The following NSG2 variants were observed in gnomAD, a reference collection of about 807,000 sequenced individuals.
NSG2 encodes neuronal vesicle trafficking-associated protein 2.
Under a neutral mutation model 16.9 loss-of-function variants are expected in NSG2, and 4 were observed. That is an observed-to-expected ratio of 0.24 (90% CI 0.12 to 0.54). The LOEUF is 0.54. Among genes scored for constraint, NSG2 ranks in the 20% least tolerant of loss-of-function variants. The pLI is 0.95. For missense variants in NSG2, 179 were observed against 221.1 expected (o/e 0.81, Z 1.21); for synonymous variants, 98 against 88.7 (o/e 1.11, Z -0.59).
At chr5:174,089,590 G>A (rs892673794) in intron 3 of NSG2, among the ~76,000 whole-genome samples, 3 of 152,084 alleles carry the variant, frequency 2.0e-5, no homozygotes, top group Non-Finnish European at 2.9e-5. Context: ...CCTGACCCAC[G>A]AGGAAAGAAG....
chr5:174,045,871 C>T (rs904023794), intron 1 of NSG2, 28 bp downstream of exon 1: 4 of 152,364 alleles, frequency 2.6e-5, no homozygotes, highest in African/African-American at 7.2e-5. Flanking sequence ...TTTGCTATAA[C>T]CACTCCCCAA....
intron 2 of NSG2, among the ~76,000 whole-genome samples, chr5:174,053,879 A>G (rs1289536174): frequency 6.6e-6 from 1 of 152,162 alleles, no homozygotes; most frequent in African/African-American, 2.4e-5. Flanking sequence ...TGTTTTTCAG[A>G]GGGTATTTTG....
intron 3 of NSG2, among the ~76,000 whole-genome samples, chr5:174,070,695 C>T (rs2113443193): frequency 6.6e-6 from 1 of 152,340 alleles, no homozygotes; most frequent in South Asian, 2.1e-4. Flanking sequence ...CTGGAGTCAG[C>T]AACTCTGGGA....
chr5:174,049,494 T>A (rs1420158345), intron 2 of NSG2, among the ~76,000 whole-genome samples: 1 of 152,248 alleles, frequency 6.6e-6, no homozygotes, highest in Non-Finnish European at 1.5e-5. Context: ...ATTTTCTTTC[T>A]TCTTCTCAGG....
chr5:174,079,233 GTCTTTCTCTC>G (rs1760403297), intron 3 of NSG2, among the ~76,000 whole-genome samples: 1 of 150,568 alleles, frequency 6.6e-6, no homozygotes. Flanking sequence ...AAGTCTGCAT[GTCTTTCTCTC>G]TCTTTCTCTC....
In NSG2 at chr5:174,107,330, C is replaced by T. The variant is rs1760998027; in HGVS notation, c.341C>T (p.Pro114Leu). The change falls in exon 5 of 5, where the codon CCA becomes CTA. Residue 114 changes from proline to leucine, a missense_variant. Pro to Leu is a moderately conservative substitution (Grantham distance 98, BLOSUM62 -3). Transcript: ENST00000303177. The surrounding 1 kb of genome is among the most constrained non-coding windows in gnomAD (Gnocchi z 4.5). ...CTTCCCCAGCACAAACGCTGTATCC[C>T]AGCCTCCCTGGATGCTTACTACTCC... ...GFVYKHKRCI[P>L]ASLDAYYSSQ... The T allele has an allele frequency of 3.8e-6, 6 of 1,573,816 alleles. No homozygotes were observed. Among genetic ancestry groups the T allele is most frequent in the Non-Finnish European group, 5.2e-6 (6 of 1,154,168 alleles).
chr5:174,104,253 T>C lies in NSG2; in HGVS notation c.239T>C (p.Leu80Pro). 1 of 1,614,152 alleles carries C rather than the reference T, an allele frequency of 6.2e-7. No homozygotes were observed. The highest frequency in any genetic ancestry group is 8.5e-7 in the Non-Finnish European group (1 of 1,180,002). The change falls in exon 4 of 5, where the codon CTA becomes CCA. Residue 80 changes from leucine (L) to proline (P), a missense_variant. Transcript: ENST00000303177. ...GTCACCATCCTTGTCAGCCTGGCCC[T>C]AGCTTTCCTTGCGTGCATCGTGTTC... Reference protein sequence around the residue: ...FTVTILVSLALAFLACIVFLV... With the variant: ...FTVTILVSLAPAFLACIVFLV...
intron 2 of NSG2, 139 bp downstream of exon 2, chr5:174,047,023 T>G: frequency 2.4e-6 from 2 of 837,680 alleles, no homozygotes; most frequent in Non-Finnish European, 1.9e-6. Flanking sequence ...AATGTAGTTA[T>G]TCCTTCCAGA....
Position 174,104,299 on chromosome 5 carries a change from C to T in NSG2, c.285C>T (p.Phe95=). 6.2e-7 allele frequency: 1 copy of T among 1,614,140 alleles called. No homozygotes were observed. The highest frequency in any genetic ancestry group is 8.5e-7 in the Non-Finnish European group (1 of 1,179,962). The change falls in exon 4 of 5, where the codon TTC becomes TTT. Residue 95 remains phenylalanine, a synonymous_variant. Transcript: ENST00000303177. ...TGTTCCTGGTGGTTTACAAAGCCTT[C>T]ACCTATGATCACAGCTGCCCAGAGG... ...CIVFLVVYKA[F]TYDHSCPEGF...
At chr5:174,091,933 G>T (rs945769445) in intron 3 of NSG2, among the ~76,000 whole-genome samples, 1 of 152,152 alleles carries the variant, frequency 6.6e-6, no homozygotes, top group Admixed American at 6.5e-5. Flanking sequence ...TCCTGGGTAG[G>T]ACTTAGTGAG....
At chr5:174,073,988 G>T (rs1332328248) in intron 3 of NSG2, among the ~76,000 whole-genome samples, 1 of 152,190 alleles carries the variant, frequency 6.6e-6, no homozygotes, top group Non-Finnish European at 1.5e-5. Context: ...TTCCAAGTTT[G>T]CAAGCCAGTT....
intron 2 of NSG2, among the ~76,000 whole-genome samples, chr5:174,051,127 A>G (rs1457372171): frequency 6.6e-6 from 1 of 152,136 alleles, no homozygotes; most frequent in East Asian, 1.9e-4. Context: ...GGGGGCAGTT[A>G]GCAATGTCTG....
At chr5:174,086,456 T>A (rs1224925100) in intron 3 of NSG2, 3 of 152,228 alleles carry the variant, frequency 2.0e-5, no homozygotes, top group Admixed American at 1.3e-4. Flanking sequence ...TGACAACGAT[T>A]GTCTGGAGCT....
chr5:174,093,685 G>C (rs1484377093), intron 3 of NSG2, among the ~76,000 whole-genome samples: 1 of 152,206 alleles, frequency 6.6e-6, no homozygotes, highest in African/African-American at 2.4e-5. Flanking sequence ...GGTTCCAGCT[G>C]CCACATACAG....
chr5:174,104,279 C>A lies in NSG2; in HGVS notation c.265C>A (p.Leu89Met). 1 of 1,614,180 alleles carries A rather than the reference C, an allele frequency of 6.2e-7. No individual in the cohort carries two copies. Among genetic ancestry groups the A allele is most frequent in the Non-Finnish European group, 8.5e-7 (1 of 1,180,024 alleles). The change falls in exon 4 of 5, where the codon CTG becomes ATG. Residue 89 changes from leucine to methionine, a missense_variant. Transcript: ENST00000303177. Reference sequence around the variant, plus strand: ...AGCTTTCCTTGCGTGCATCGTGTTCCTGGTGGTTTACAAAGCCTTCACCTA... The same window carrying A: ...AGCTTTCCTTGCGTGCATCGTGTTCATGGTGGTTTACAAAGCCTTCACCTA... ...ALAFLACIVF[L>M]VVYKAFTYDH...
chr5:174,073,126 C>G (rs1440362218), intron 3 of NSG2, among the ~76,000 whole-genome samples: 1 of 152,172 alleles, frequency 6.6e-6, no homozygotes, highest in East Asian at 1.9e-4. Flanking sequence ...AAAATCAGGG[C>G]CCTATCTTTT....
chr5:174,092,002 C>T (rs1760728138), intron 3 of NSG2, among the ~76,000 whole-genome samples: 1 of 152,146 alleles, frequency 6.6e-6, no homozygotes, highest in Non-Finnish European at 1.5e-5. Context: ...TCTTGCCCTC[C>T]TTTATTCAGA....
chr5:174,089,015 GC>G (rs2113463475), intron 3 of NSG2, among the ~76,000 whole-genome samples: 1 of 152,270 alleles, frequency 6.6e-6, no homozygotes, highest in South Asian at 2.1e-4. Flanking sequence ...AAATTGGTAA[GC>G]CCCTTGAAGG....
chr5:174,105,110 G>A (rs72814798), intron 4 of NSG2, among the ~76,000 whole-genome samples: 16,556 of 152,124 alleles, frequency 0.11, 1,156 homozygotes, highest in African/African-American at 0.19. Context: ...TATCTCAATT[G>A]AGCTGTACAA....
Sources: gnomAD v4.1 joint callset for allele counts (sites outside exome capture counted in the v4.1 genomes callset) on GRCh38, gnomAD v4.1.1 for gene constraint, Gnocchi (gnomAD v3.1) non-coding constraint, MANE v1.5 for transcripts, NCBI Gene and HGNC (gene_info 2026-07-23, HGNC 2026-07-21) for gene names.